Variants in JADE2 observed in about 807,000 individuals in gnomAD.
The protein encoded by JADE2 is jade family PHD finger 2.
Under a neutral mutation model 85.7 loss-of-function variants are expected in JADE2, and 13 were observed. The observed-to-expected ratio is 0.15, with a 90% CI of 0.10 to 0.24. The LOEUF is 0.24. JADE2 is among the 10% of genes least tolerant of loss of function. The pLI is 1.00. For missense variants in JADE2, 846 were observed against 1,115.9 expected, an observed-to-expected ratio of 0.76 and a Z score of 3.45; for synonymous variants, 440 against 456.1, an observed-to-expected ratio of 0.96 and a Z score of 0.45.
At chr5:134,539,153 T>C (rs1233415851) in intron 3 of JADE2, among the ~76,000 whole-genome samples, 14 of 151,614 alleles carry the variant, frequency 9.2e-5, no homozygotes, top group Middle Eastern at 3.4e-3. Context: ...GCTCCGCCTC[T>C]TGGGTTCACG....
At position 134,525,743 on chromosome 5, in the gene JADE2, G is replaced by C. The variant is rs1435501178; in HGVS notation, c.-269G>C. On this transcript the variant is annotated 5_prime_UTR_variant, in exon 1 of 12. Coordinates refer to ENST00000681547, the MANE Select transcript of JADE2 (RefSeq NM_001388185.1). ...AGTTGGAGGCTATTTTTTGGGGGGG[G>C]TGAGTAGCGTCCATGGAGTTACTTT... 14 of 1,226,486 alleles carry C rather than the reference G, an allele frequency of 1.1e-5. No individual in the cohort carries two copies. The African/African-American group carries it at 2.0e-4, about 17-fold the overall frequency. The allele number at this position is 1,226,486 out of a possible 1,614,324, so 76.0% of individuals were successfully genotyped here.
At position 134,562,429 on chromosome 5, in the gene JADE2, G is replaced by A. The variant is rs1763380107; in HGVS notation, c.852+62G>A. ...GCCCGTGGGGAAGTGGGTCTGCATG[G>A]GACTCAGGTAGCAGAGCACTGGGAA... On this transcript the variant is annotated intron_variant, in intron 7 of 11. Coordinates refer to ENST00000681547, the MANE Select transcript of JADE2 (RefSeq NM_001388185.1). This position sits in a 1 kb window ranked among gnomAD's most constrained non-coding sequence, Gnocchi z 4.6. 6.7e-7 allele frequency: 1 copy of A among 1,486,446 alleles called. No homozygotes were observed. The highest frequency in any genetic ancestry group is 9.2e-7 in the Non-Finnish European group (1 of 1,086,532). 92.1% of individuals were successfully genotyped at this position (1,486,446 alleles called of 1,614,324 possible).
At chr5:134,570,531 A>C (rs1763926926) in intron 9 of JADE2, among the ~76,000 whole-genome samples, 1 of 151,062 alleles carries the variant, frequency 6.6e-6, no homozygotes, top group African/African-American at 2.4e-5. Flanking sequence ...GTCATCCCTC[A>C]TGGTATTTGC....
intron 9 of JADE2, among the ~76,000 whole-genome samples, chr5:134,567,969 G>T (rs187142137): frequency 6.6e-6 from 1 of 152,214 alleles, no homozygotes; most frequent in African/African-American, 2.4e-5. Context: ...GGCATCAGGT[G>T]TAAGACCTTC....
intron 7 of JADE2, among the ~76,000 whole-genome samples, chr5:134,563,554 C>G (rs964880744): frequency 6.6e-6 from 1 of 152,202 alleles, no homozygotes; most frequent in African/African-American, 2.4e-5. Context: ...AGCCCCAGCC[C>G]TGCTGTGTGG....
rs147362665 is a variant in JADE2, at chr5:134,531,763, A to G, written c.1-4095A>G. On this transcript the variant is annotated intron_variant, in intron 1 of 11. Coordinates refer to ENST00000681547, the MANE Select transcript of JADE2 (RefSeq NM_001388185.1). ...AAGCCTGGCTAATTTTTGTATTTTT[A>G]GTAGAGACGGGGTTTCACCACATTA... Among the ~76,000 whole-genome samples the G allele has an allele frequency of 1.4e-3, 212 of 150,820 alleles. 3 individuals carry two copies. The East Asian group carries it at 0.031, about 22-fold the overall frequency.
intron 9 of JADE2, among the ~76,000 whole-genome samples, chr5:134,571,806 A>G (rs1340092978): frequency 6.6e-6 from 1 of 152,158 alleles, no homozygotes; most frequent in Non-Finnish European, 1.5e-5. Context: ...TGCTCCCTTC[A>G]GATTCCTGCC....
chr5:134,540,210 G>T (rs1270395879), intron 3 of JADE2, among the ~76,000 whole-genome samples: 1 of 148,236 alleles, frequency 6.7e-6, no homozygotes. Context: ...CCCCACCCTC[G>T]GTCTTTTTTT....
chr5:134,539,048 T>TTTATTTATTTA (rs1561730027), intron 3 of JADE2, among the ~76,000 whole-genome samples: 1 of 138,960 alleles, frequency 7.2e-6, no homozygotes, highest in Non-Finnish European at 1.5e-5. Flanking sequence ...TTTTATTTTA[T>TTTATTTATTTA]TTATTTATTT....
chr5:134,547,089 G>C (rs796256911), intron 3 of JADE2, among the ~76,000 whole-genome samples: 2 of 152,304 alleles, frequency 1.3e-5, no homozygotes, highest in African/African-American at 4.8e-5. Flanking sequence ...CTCATGCTCT[G>C]CTTTCTTGCA....
chr5:134,562,965 A>G lies in JADE2; in HGVS notation c.852+598A>G, dbSNP rs1463503414. ...GGACAGAAGTCAGGCAGCTGACTAG[A>G]GGGGAAAGCAGGTTGTGGGGTCCAT... On this transcript the variant is annotated intron_variant, in intron 7 of 11. Transcript: ENST00000681547. The surrounding 1 kb of genome is among the most constrained non-coding windows in gnomAD (Gnocchi z 4.6). Among the ~76,000 whole-genome samples, 1 of 152,186 alleles carries G rather than the reference A, an allele frequency of 6.6e-6. No individual in the cohort carries two copies. The highest frequency in any genetic ancestry group is 1.5e-5 in the Non-Finnish European group (1 of 68,030).
At chr5:134,536,448 A>G (rs565759719) in intron 2 of JADE2, among the ~76,000 whole-genome samples, 187 of 152,320 alleles carry the variant, frequency 1.2e-3, no homozygotes, top group African/African-American at 4.2e-3. Context: ...GAATCTTGGC[A>G]ATAGAATCCC....
Position 134,566,460 on chromosome 5 carries a change from T to G in JADE2, c.1314T>G (p.Asn438Lys). The part of the protein sequence containing the change: ...YQYWKLKRKA[N>K]ANQPLLTPKT... Reference sequence around the variant, plus strand: ...ACTGGAAGCTGAAGAGGAAAGCCAATGCCAACCAGCCGCTGCTGACCCCCA... The same window carrying G: ...ACTGGAAGCTGAAGAGGAAAGCCAAGGCCAACCAGCCGCTGCTGACCCCCA... The change falls in exon 9 of 12, where the codon AAT becomes AAG. Residue 438 changes from asparagine to lysine, a missense_variant. By Grantham distance (94) the Asn-to-Lys change is moderately conservative. This residue lies in a region of JADE2 where 88 missense variants were observed against 140.6 expected (regional missense o/e 0.63). Coordinates refer to ENST00000681547, the MANE Select transcript of JADE2 (RefSeq NM_001388185.1). The surrounding 1 kb of genome is among the most constrained non-coding windows in gnomAD (Gnocchi z 6.7). 1 of 1,613,448 alleles carries G rather than the reference T, an allele frequency of 6.2e-7. No homozygotes were observed. The highest frequency in any genetic ancestry group is 8.5e-7 in the Non-Finnish European group (1 of 1,179,792).
chr5:134,575,449 C>T (rs1415802945), intron 10 of JADE2: 1 of 152,272 alleles, frequency 6.6e-6, no homozygotes, highest in African/African-American at 2.4e-5. Context: ...GGAATGGCTG[C>T]ACCAGGCAGA....
At chr5:134,535,803 G>C (rs1435673256) in intron 1 of JADE2, 55 bp from the exon 2 acceptor site, 2 of 1,493,000 alleles carry the variant, frequency 1.3e-6, no homozygotes, top group East Asian at 4.5e-5. Context: ...TTTTCTGAGA[G>C]GTTGAGGATT....
chr5:134,558,584 G>T (rs1312754528), intron 4 of JADE2, among the ~76,000 whole-genome samples: 2 of 152,238 alleles, frequency 1.3e-5, no homozygotes, highest in Non-Finnish European at 2.9e-5. Context: ...TGTTGCCCAG[G>T]CTGGAGTGCA....
intron 3 of JADE2, among the ~76,000 whole-genome samples, chr5:134,542,676 A>C (rs1762041144): frequency 6.6e-6 from 1 of 151,982 alleles, no homozygotes; most frequent in Non-Finnish European, 1.5e-5. Flanking sequence ...TCCCAACCTC[A>C]GGTGATCCGC....
At chr5:134,539,276 G>A (rs996393511) in intron 3 of JADE2, among the ~76,000 whole-genome samples, 5 of 152,102 alleles carry the variant, frequency 3.3e-5, no homozygotes, top group African/African-American at 7.2e-5. Context: ...TGTTAGCCAG[G>A]ATGGTCTCGA....
In JADE2 at chr5:134,582,619, C is replaced by G. The variant is rs535860715; in HGVS notation, c.*3302C>G. 1 of 152,796 alleles carries G rather than the reference C, an allele frequency of 6.5e-6. No homozygotes were observed. Among genetic ancestry groups the G allele is most frequent in the African/African-American group, 2.4e-5 (1 of 41,594 alleles). 9.5% of individuals were successfully genotyped at this position (152,796 alleles called of 1,614,324 possible). Reference sequence around the variant, plus strand: ...CTTGGGGAGGGCACTCTCCCATGCCCTTGGCCTCGCTGGCCACATTGGCCA... The same window carrying G: ...CTTGGGGAGGGCACTCTCCCATGCCGTTGGCCTCGCTGGCCACATTGGCCA... On this transcript the variant is annotated 3_prime_UTR_variant, in exon 12 of 12. Coordinates refer to ENST00000681547, the MANE Select transcript of JADE2 (RefSeq NM_001388185.1).
Sources: gnomAD v4.1 joint callset for allele counts (sites outside exome capture counted in the v4.1 genomes callset) on GRCh38, gnomAD v4.1.1 for gene constraint, gnomAD v4.1.1 regional missense constraint, Gnocchi (gnomAD v3.1) non-coding constraint, MANE v1.5 for transcripts, NCBI Gene and HGNC (gene_info 2026-07-23, HGNC 2026-07-21) for gene names.